The following RB1 variants were observed in gnomAD, a reference collection of about 807,000 sequenced individuals.
RB1 encodes retinoblastoma-associated protein.
In RB1, 18 loss-of-function variants were observed where a neutral mutation model predicts 135.4. The observed-to-expected ratio is 0.13, with a 90% CI of 0.09 to 0.20. The LOEUF (loss-of-function observed/expected upper bound fraction) is 0.20, where lower values mean the gene tolerates loss of function less well. Among genes scored for constraint, RB1 ranks in the 10% least tolerant of loss-of-function variants. The pLI is 1.00. For synonymous variants in RB1, 365 were observed against 373.2 expected (o/e 0.98, Z 0.25); for missense variants, 868 against 1,110.0 (o/e 0.78, Z 3.10).
At chr13:48,359,572 ATTAT>A in intron 6 of RB1, among the ~76,000 whole-genome samples, 1 of 147,678 alleles carries the variant, frequency 6.8e-6, no homozygotes, top group African/African-American at 2.4e-5. Flanking sequence ...TTGAATTCTA[ATTAT>A]TATAATAAAA....
intron 17 of RB1, among the ~76,000 whole-genome samples, chr13:48,382,642 G>A (rs1187219838): frequency 6.6e-6 from 1 of 152,126 alleles, no homozygotes; most frequent in Non-Finnish European, 1.5e-5. Flanking sequence ...CATTCTGTAG[G>A]TTGCCTGTTC....
chr13:48,413,117 G>GTTT (rs1428870410), intron 17 of RB1: 3 of 167,102 alleles, frequency 1.8e-5, no homozygotes, highest in East Asian at 3.8e-4. Context: ...TTTCTCTGAA[G>GTTT]TGAAAAAGAA....
chr13:48,334,970 T>C (rs985194898), intron 2 of RB1, among the ~76,000 whole-genome samples: 1 of 152,160 alleles, frequency 6.6e-6, no homozygotes, highest in Non-Finnish European at 1.5e-5. Flanking sequence ...GTAGCACTTA[T>C]TGACTTTTCT....
In RB1 at chr13:48,307,286, G is replaced by A. The variant is rs1021965284; in HGVS notation, c.144G>A (p.Glu48=). 3.1e-6 allele frequency: 5 copies of A among 1,605,580 alleles called. No homozygotes were observed. Among genetic ancestry groups the A allele is most frequent in the Admixed American group, 3.3e-5 (2 of 59,976 alleles). Residue 48 remains glutamate (E), a synonymous_variant, in exon 2 of 27, where the codon GAG becomes GAA. Coordinates refer to ENST00000267163, the MANE Select transcript of RB1 (RefSeq NM_000321.3). ...GPEDLPLVRL[E]FEETEEPDFT... is the part of the protein sequence containing the mutation. ...GATTATTTTCATTTGGTAGGCTTGA[G>A]TTTGAAGAAACAGAAGAACCTGATT...
intron 17 of RB1, among the ~76,000 whole-genome samples, chr13:48,403,946 AGCCGTGACTGCACTACT>A (rs1433378259): frequency 6.6e-6 from 1 of 152,106 alleles, no homozygotes; most frequent in African/African-American, 2.4e-5. Flanking sequence ...GGCTGCAGGG[AGCCGTGACTGCACTACT>A]GCATTCCAGT....
intron 17 of RB1, among the ~76,000 whole-genome samples, chr13:48,407,225 T>C (rs1473849335): frequency 6.6e-6 from 1 of 152,220 alleles, no homozygotes; most frequent in Admixed American, 6.5e-5. Context: ...AGAAAACTGA[T>C]TATTAAATTT....
At chr13:48,336,759 T>C (rs1952389252) in intron 2 of RB1, among the ~76,000 whole-genome samples, 1 of 151,168 alleles carries the variant, frequency 6.6e-6, no homozygotes, top group African/African-American at 2.4e-5. Context: ...CTCTAGTTCT[T>C]TTAATTGTGA....
At chr13:48,361,096 C>A (rs550517074) in intron 7 of RB1, among the ~76,000 whole-genome samples, 4 of 152,028 alleles carry the variant, frequency 2.6e-5, no homozygotes, top group South Asian at 2.1e-4. Flanking sequence ...AAAAAAAATT[C>A]TATATAGAAA....
intron 17 of RB1, among the ~76,000 whole-genome samples, chr13:48,387,216 G>A (rs1196179950): frequency 6.6e-6 from 1 of 152,106 alleles, no homozygotes; most frequent in Non-Finnish European, 1.5e-5. Context: ...TCATAAAACA[G>A]TGCTATTGTT....
intron 2 of RB1, among the ~76,000 whole-genome samples, chr13:48,342,161 A>G (rs887559932): frequency 6.6e-6 from 1 of 152,128 alleles, no homozygotes; most frequent in East Asian, 1.9e-4. Context: ...ATAATTGAAT[A>G]AATAAATTGA....
At chr13:48,436,528 A>G (rs535670994) in intron 17 of RB1, among the ~76,000 whole-genome samples, 46 of 152,206 alleles carry the variant, frequency 3.0e-4, no homozygotes, top group Non-Finnish European at 5.4e-4. Flanking sequence ...CTGTAATCCC[A>G]GCTACTCGGG....
chr13:48,377,104 G>A (rs1012707829), intron 13 of RB1, 70 bp downstream of exon 13: 72 of 1,436,754 alleles, frequency 5.0e-5, no homozygotes, highest in Non-Finnish European at 6.3e-5. Flanking sequence ...TTTCCAGTTC[G>A]TATAAATACT....
intron 17 of RB1, among the ~76,000 whole-genome samples, chr13:48,410,571 G>A (rs1038671523): frequency 2.6e-5 from 4 of 152,108 alleles, no homozygotes; most frequent in African/African-American, 9.7e-5. Context: ...ATAAGTTCTT[G>A]ACTGTGATGT....
chr13:48,350,750 A>T (rs1952540421), intron 6 of RB1, among the ~76,000 whole-genome samples: 1 of 151,912 alleles, frequency 6.6e-6, no homozygotes, highest in South Asian at 2.1e-4. Flanking sequence ...CTTCAAGTAG[A>T]CCCCAGTGCC....
chr13:48,410,251 T>C (rs2138195182), intron 17 of RB1, among the ~76,000 whole-genome samples: 1 of 152,358 alleles, frequency 6.6e-6, no homozygotes, highest in Non-Finnish European at 1.5e-5. Flanking sequence ...TACTATATTT[T>C]TACTGTACCT....
In RB1 at chr13:48,373,452, C is replaced by A; in HGVS notation, c.1175C>A (p.Ala392Glu). 3.1e-6 allele frequency: 5 copies of A among 1,596,612 alleles called. No homozygotes were observed. Among genetic ancestry groups the A allele is most frequent in the Non-Finnish European group, 2.6e-6 (3 of 1,164,554 alleles). Reference sequence around the variant, plus strand: ...CAATTAATGATGATTTTAAATTCAGCAAGTGATCAACCTTCAGAAAATCTG... The same window carrying A: ...CAATTAATGATGATTTTAAATTCAGAAAGTGATCAACCTTCAGAAAATCTG... ...IQQLMMILNS[A>E]SDQPSENLIS... Residue 392 changes from alanine to glutamate, a missense_variant, in exon 12 of 27, where the codon GCA becomes GAA. By Grantham distance (107) the Ala-to-Glu change is moderately radical. Around this residue, in one of 3 missense-constraint regions of RB1, gnomAD observed 641 missense variants for 791.3 expected, o/e 0.81. Coordinates refer to ENST00000267163, the MANE Select transcript of RB1 (RefSeq NM_000321.3).
At chr13:48,374,339 C>G (rs1388720318) in intron 12 of RB1, among the ~76,000 whole-genome samples, 2 of 152,060 alleles carry the variant, frequency 1.3e-5, no homozygotes, top group African/African-American at 4.8e-5. Context: ...GGATTGGGAC[C>G]CACTGAAATG....
At chr13:48,420,171 C>T (rs1389701411) in intron 17 of RB1, among the ~76,000 whole-genome samples, 5 of 152,146 alleles carry the variant, frequency 3.3e-5, no homozygotes, top group Non-Finnish European at 7.4e-5. Flanking sequence ...CATAGCACAT[C>T]AAAAAGCTTA....
At chr13:48,309,961 G>T (rs1418708546) in intron 2 of RB1, among the ~76,000 whole-genome samples, 1 of 152,118 alleles carries the variant, frequency 6.6e-6, no homozygotes, top group Non-Finnish European at 1.5e-5. Context: ...TCCTAATGGA[G>T]CTCATAATGG....
Sources: allele counts gnomAD v4.1 joint callset (sites outside exome capture counted in the v4.1 genomes callset), GRCh38; gene constraint gnomAD v4.1.1; regional missense constraint gnomAD v4.1.1; transcripts MANE v1.5; gene names NCBI Gene and HGNC (gene_info 2026-07-23, HGNC 2026-07-21).